The following NMT2 variants were observed in gnomAD, a reference collection of about 807,000 sequenced individuals.
NMT2 encodes N-myristoyltransferase 2.
NMT2 carries 35 observed loss-of-function variants against 65.4 expected under a neutral mutation model. The observed-to-expected ratio is 0.54, with a 90% CI of 0.41 to 0.71. The LOEUF (loss-of-function observed/expected upper bound fraction) is 0.71. Ranked by LOEUF, NMT2 falls within the 30% of genes least tolerant of loss-of-function variation. The probability of loss-of-function intolerance (pLI) is 0.00; values close to 1 mark genes in which losing one functional copy is unlikely to be tolerated. For synonymous variants in NMT2, 226 were observed against 231.8 expected (o/e 0.98, Z 0.23); for missense variants, 489 against 611.3 (o/e 0.80, Z 2.11).
intron 8 of NMT2, among the ~76,000 whole-genome samples, chr10:15,127,563 A>AAAAAAAAAAAAAAAAAAT (rs1846127241): frequency 1.1e-5 from 1 of 89,808 alleles, no homozygotes; most frequent in Non-Finnish European, 1.9e-5. Flanking sequence ...AAAAAAAAAA[A>AAAAAAAAAAAAAAAAAAT]AAAAAAATAA....
chr10:15,112,850 G>A lies in NMT2; in HGVS notation c.1284C>T (p.His428=), dbSNP rs769598317. 1.9e-5 allele frequency: 31 copies of A among 1,614,032 alleles called. No homozygotes were observed. In the South Asian group the frequency reaches 2.1e-4, roughly 11 times the overall value. ...TGAGGTCCAGCAGGGGCGTCTCTGT[G>A]TGGATGTTGTAGAATGAGTAGGCGG... is the stretch of plus-strand genomic sequence containing the variant. ...LKAAYSFYNI[H]TETPLLDLMS... Residue 428 remains histidine (H), a synonymous_variant, in exon 10 of 12, where the codon CAC becomes CAT. Transcript: ENST00000378165.
intron 10 of NMT2, among the ~76,000 whole-genome samples, chr10:15,110,075 C>T (rs1041093013): frequency 1.8e-4 from 27 of 152,044 alleles, no homozygotes; most frequent in African/African-American, 6.3e-4. Flanking sequence ...AGTTCGAGAC[C>T]AGCCTGACCA....
At chr10:15,133,777 G>A (rs966889930) in intron 3 of NMT2, among the ~76,000 whole-genome samples, 4 of 151,980 alleles carry the variant, frequency 2.6e-5, no homozygotes, top group Non-Finnish European at 5.9e-5. Context: ...TTGTAGAGAC[G>A]GAGTCTCATT....
intron 2 of NMT2, among the ~76,000 whole-genome samples, chr10:15,139,288 CTATCT>C (rs1564577399): frequency 1.2e-4 from 18 of 147,840 alleles, no homozygotes; most frequent in Non-Finnish European, 2.2e-4. Context: ...ATCTATCTAT[CTATCT>C]ATCCATCCAT....
intron 1 of NMT2, among the ~76,000 whole-genome samples, chr10:15,149,259 ACCATCG>A (rs1423784199): frequency 6.7e-6 from 1 of 149,508 alleles, no homozygotes; most frequent in African/African-American, 2.5e-5. Flanking sequence ...CATCACCATC[ACCATCG>A]CCACTACCAT....
intron 1 of NMT2, among the ~76,000 whole-genome samples, chr10:15,161,214 G>A (rs1426886581): frequency 1.3e-5 from 2 of 151,612 alleles, no homozygotes; most frequent in Non-Finnish European, 2.9e-5. Context: ...TGCACACCCA[G>A]GCTATGTATT....
In NMT2 at chr10:15,164,760, G is replaced by A. The variant is rs74125552; in HGVS notation, c.110+3743C>T. ...TCCTAGGAAATTCATCCTCCAGGCC[G>A]GGCACCATGGCCTGTAATCCCAGCA... is the stretch of plus-strand genomic sequence containing the variant. On this transcript the variant is annotated intron_variant, in intron 1 of 11. Transcript: ENST00000378165. Among the ~76,000 whole-genome samples the A allele has an allele frequency of 6.7e-3, 1,019 of 152,202 alleles. 13 individuals are homozygous for A. The highest frequency in any genetic ancestry group is 0.024 in the African/African-American group (976 of 41,518).
chr10:15,108,030 A>AT lies in NMT2; in HGVS notation c.*1164dup. 1 of 985,842 alleles carries AT rather than the reference A, an allele frequency of 1.0e-6. No individual in the cohort carries two copies. The highest frequency in any genetic ancestry group is 1.2e-6 in the Non-Finnish European group (1 of 829,938). 61.1% of individuals were successfully genotyped at this position (985,842 alleles called of 1,614,324 possible). On this transcript the variant is annotated 3_prime_UTR_variant, in exon 12 of 12. Coordinates refer to ENST00000378165, the MANE Select transcript of NMT2 (RefSeq NM_004808.3). ...CATAAGTAATAAAAACATTCAAACT[A>AT]TCAATGCCCTGATAGCACGAATAAG...
Position 15,128,417 on chromosome 10 carries a change from A to G in NMT2, c.932T>C (p.Val311Ala), listed in dbSNP as rs747370080. 1 of 1,611,066 alleles carries G rather than the reference A, an allele frequency of 6.2e-7. No individual in the cohort carries two copies. Among genetic ancestry groups the G allele is most frequent in the Admixed American group, 1.7e-5 (1 of 59,984 alleles). The part of the protein sequence containing the change: ...RSLNPRKLVE[V>A]KFSHLSRNMT... ...ATTTCTACTCAAGTGAGAAAATTTC[A>G]CTTCTACCAATTTTCTGGGGTTTAG... Residue 311 changes from valine (V) to alanine (A), a missense_variant, in exon 8 of 12, where the codon GTG becomes GCG. By Grantham distance (64) the Val-to-Ala change is moderately conservative. Coordinates refer to ENST00000378165, the MANE Select transcript of NMT2 (RefSeq NM_004808.3).
chr10:15,148,033 T>C (rs1256521244), intron 1 of NMT2, among the ~76,000 whole-genome samples: 1 of 152,222 alleles, frequency 6.6e-6, no homozygotes, highest in East Asian at 1.9e-4. Context: ...TTTCACATTT[T>C]ATCTCTAGGA....
At chr10:15,161,923 T>C (rs1353024181) in intron 1 of NMT2, among the ~76,000 whole-genome samples, 2 of 152,180 alleles carry the variant, frequency 1.3e-5, no homozygotes, top group Non-Finnish European at 2.9e-5. Context: ...TTTTTTGATA[T>C]GGATAAAGAA....
chr10:15,147,659 G>A (rs893855051), intron 1 of NMT2, among the ~76,000 whole-genome samples: 2 of 152,048 alleles, frequency 1.3e-5, no homozygotes, highest in African/African-American at 4.8e-5. Flanking sequence ...ATTCCAAATG[G>A]GTGAAAGACC....
In NMT2 at chr10:15,161,826, T is replaced by C. The variant is rs184384476; in HGVS notation, c.110+6677A>G. On this transcript the variant is annotated intron_variant, in intron 1 of 11. Transcript: ENST00000378165. ...AAAAGAATTACAATTCCAGGTTATT[T>C]CAATTAAACCTAGGAAATGAAAAGA... Among the ~76,000 whole-genome samples, 245 of 152,344 alleles carry C rather than the reference T, an allele frequency of 1.6e-3. 2 individuals carry two copies. Among genetic ancestry groups the C allele is most frequent in the East Asian group, 1.3e-3 (7 of 5,194 alleles).
chr10:15,134,265 C>T (rs1267801866), intron 3 of NMT2, among the ~76,000 whole-genome samples: 1 of 152,158 alleles, frequency 6.6e-6, no homozygotes, highest in Non-Finnish European at 1.5e-5. Context: ...AGGACTAAAA[C>T]CCAGGCTCTT....
At chr10:15,153,685 C>T (rs1588451094) in intron 1 of NMT2, among the ~76,000 whole-genome samples, 1 of 151,978 alleles carries the variant, frequency 6.6e-6, no homozygotes, top group African/African-American at 2.4e-5. Flanking sequence ...GAGTCTCGTT[C>T]TGTCGCCCAG....
At chr10:15,134,590 T>C (rs958600777) in intron 3 of NMT2, among the ~76,000 whole-genome samples, 1 of 152,218 alleles carries the variant, frequency 6.6e-6, no homozygotes, top group African/African-American at 2.4e-5. Context: ...TGCCCTGGAC[T>C]ATGCCTGGCA....
Position 15,128,404 on chromosome 10 carries a change from G to C in NMT2, c.945C>G (p.His315Gln), listed in dbSNP as rs779647757. The C allele has an allele frequency of 5.0e-6, 8 of 1,611,060 alleles. No individual in the cohort carries two copies. The highest frequency in any genetic ancestry group is 6.8e-6 in the Non-Finnish European group (8 of 1,177,280). Residue 315 changes from histidine to glutamine, a missense_variant, in exon 8 of 12, where the codon CAC becomes CAG. By Grantham distance (24) the His-to-Gln change is conservative (BLOSUM62 0). Coordinates refer to ENST00000378165, the MANE Select transcript of NMT2 (RefSeq NM_004808.3). ...PRKLVEVKFS[H>Q]LSRNMTLQRT... is the part of the protein sequence containing the mutation. ...TCTGTAAAGTCATATTTCTACTCAA[G>C]TGAGAAAATTTCACTTCTACCAATT...
In NMT2 at chr10:15,114,880, G is replaced by A. The variant is rs1160777867; in HGVS notation, c.1171-1917C>T. Among the ~76,000 whole-genome samples, 5 of 152,122 alleles carry A rather than the reference G, an allele frequency of 3.3e-5. No individual in the cohort carries two copies. The East Asian group carries it at 9.6e-4, about 29-fold the overall frequency. On this transcript the variant is annotated intron_variant, in intron 9 of 11. Coordinates refer to ENST00000378165, the MANE Select transcript of NMT2 (RefSeq NM_004808.3). ...TAGCAGGGTGTGGTGGCATGCGCCT[G>A]TAGTTCCAGCTACACAGGAGGCTGA...
chr10:15,141,403 A>C lies in NMT2; in HGVS notation c.246+19T>G, dbSNP rs377455533. ...GCACGAGAAACCACACAGAGGAAAA[A>C]ATAAAACAGAGCTCTCACTTTCGAA... On this transcript the variant is annotated intron_variant, in intron 2 of 11. Transcript: ENST00000378165. 1.5e-4 allele frequency: 237 copies of C among 1,613,368 alleles called. No homozygotes were observed. The African/African-American group carries it at 2.4e-3, about 16-fold the overall frequency.
Sources: allele counts gnomAD v4.1 joint callset (sites outside exome capture counted in the v4.1 genomes callset), GRCh38; gene constraint gnomAD v4.1.1; transcripts MANE v1.5; gene names NCBI Gene and HGNC (gene_info 2026-07-23, HGNC 2026-07-21).